HHAT: variants seen among roughly 807,000 people sequenced by gnomAD.
HHAT encodes the protein hedgehog acyltransferase.
HHAT carries 47 observed loss-of-function variants against 70.8 expected under a neutral mutation model. The ratio of observed to expected loss-of-function variants is 0.66; its 90% CI spans 0.53 to 0.85. The LOEUF (loss-of-function observed/expected upper bound fraction) is 0.85. Among genes scored for constraint, HHAT ranks in the 40% least tolerant of loss-of-function variants. The pLI, the probability that HHAT is intolerant of heterozygous loss-of-function variation, is 0.00. For missense variants in HHAT, 609 were observed against 604.8 expected (o/e 1.01, Z -0.07); for synonymous variants, 228 against 247.6 (o/e 0.92, Z 0.74).
At chr1:210,504,075 A>G (rs1572891845) in intron 8 of HHAT, among the ~76,000 whole-genome samples, 1 of 152,232 alleles carries the variant, frequency 6.6e-6, no homozygotes, top group East Asian at 1.9e-4. Flanking sequence ...TCAGAAAATG[A>G]AAAGATAAGC....
intron 4 of HHAT, among the ~76,000 whole-genome samples, chr1:210,389,104 A>G: frequency 6.6e-6 from 1 of 152,232 alleles, no homozygotes; most frequent in Non-Finnish European, 1.5e-5. Context: ...GAGTAATTTT[A>G]TAAAGAAAAT....
chr1:210,592,121 G>T (rs1056660842), intron 10 of HHAT, among the ~76,000 whole-genome samples: 5 of 152,036 alleles, frequency 3.3e-5, no homozygotes, highest in Non-Finnish European at 7.4e-5. Context: ...CAGTGTCCTG[G>T]CAAGTTTCTC....
intron 9 of HHAT, among the ~76,000 whole-genome samples, chr1:210,547,820 T>C (rs1239166669): frequency 6.6e-6 from 1 of 152,200 alleles, no homozygotes; most frequent in Admixed American, 6.5e-5. Flanking sequence ...TATTTCTGTC[T>C]GCCTGTACTG....
chr1:210,327,989 C>T (rs2084687939), upstream of HHAT, among the ~76,000 whole-genome samples: 1 of 152,090 alleles, frequency 6.6e-6, no homozygotes, highest in South Asian at 2.1e-4. Context: ...ACTCTGGTTT[C>T]CTGGAGAATT....
At chr1:210,439,784 T>C (rs544260552) in intron 7 of HHAT, 1 of 152,046 alleles carries the variant, frequency 6.6e-6, no homozygotes, top group South Asian at 2.1e-4. Flanking sequence ...TCTGAAAGCC[T>C]TACACAGGGA....
intron 8 of HHAT, among the ~76,000 whole-genome samples, chr1:210,481,588 G>A (rs934535338): frequency 6.6e-6 from 1 of 152,218 alleles, no homozygotes; most frequent in African/African-American, 2.4e-5. Context: ...GAGAGCTAAA[G>A]CATGGAGGTG....
At chr1:210,570,055 C>T (rs571962121) in intron 9 of HHAT, among the ~76,000 whole-genome samples, 7 of 152,256 alleles carry the variant, frequency 4.6e-5, no homozygotes, top group African/African-American at 1.4e-4. Flanking sequence ...TTCTAGTGGA[C>T]AGTCACTATA....
chr1:210,660,273 GACAA>G (rs1677374537), intron 11 of HHAT, among the ~76,000 whole-genome samples: 3 of 152,090 alleles, frequency 2.0e-5, no homozygotes, highest in African/African-American at 4.8e-5. Flanking sequence ...ACCAATAACA[GACAA>G]ACAGAGAGCG....
intron 9 of HHAT, among the ~76,000 whole-genome samples, chr1:210,554,184 C>T (rs1043870329): frequency 6.6e-6 from 1 of 152,126 alleles, no homozygotes; most frequent in Non-Finnish European, 1.5e-5. Flanking sequence ...CATGAGGGCG[C>T]ACATTATTGT....
At chr1:210,620,871 T>C (rs1668678699) in intron 10 of HHAT, among the ~76,000 whole-genome samples, 1 of 150,998 alleles carries the variant, frequency 6.6e-6, no homozygotes, top group Non-Finnish European at 1.5e-5. Context: ...CAGCAGCTCC[T>C]TCACAGTTGG....
intron 9 of HHAT, among the ~76,000 whole-genome samples, chr1:210,569,027 T>A (rs1234255803): frequency 6.6e-6 from 1 of 152,028 alleles, no homozygotes; most frequent in Admixed American, 6.5e-5. Flanking sequence ...ACTCCAGAAT[T>A]GCTTGCTTGC....
intron 3 of HHAT, among the ~76,000 whole-genome samples, chr1:210,375,998 C>A (rs2090171574): frequency 6.6e-6 from 1 of 150,902 alleles, no homozygotes; most frequent in Non-Finnish European, 1.5e-5. Flanking sequence ...CAGGCATGTG[C>A]CACCATGCAC....
chr1:210,587,650 G>A (rs1294977436), intron 9 of HHAT, among the ~76,000 whole-genome samples: 2 of 152,176 alleles, frequency 1.3e-5, no homozygotes, highest in Non-Finnish European at 2.9e-5. Flanking sequence ...TCTTGTAAGT[G>A]CTATTTTGCT....
At chr1:210,583,310 C>T (rs1315777587) in intron 9 of HHAT, among the ~76,000 whole-genome samples, 1 of 152,298 alleles carries the variant, frequency 6.6e-6, no homozygotes, top group Non-Finnish European at 1.5e-5. Flanking sequence ...AGTGACCACG[C>T]GAAGCCGGCC....
chr1:210,613,027 A>G (rs1214787898), intron 10 of HHAT, among the ~76,000 whole-genome samples: 5 of 152,132 alleles, frequency 3.3e-5, no homozygotes, highest in Non-Finnish European at 7.4e-5. Context: ...GCTCTTATCA[A>G]TATGTGATTG....
chr1:210,492,453 G>A (rs2094566947), intron 8 of HHAT, among the ~76,000 whole-genome samples: 1 of 152,188 alleles, frequency 6.6e-6, no homozygotes, highest in South Asian at 2.1e-4. Context: ...ATGGTTAGAT[G>A]GGGGGAGGCA....
chr1:210,594,771 T>C (rs1573588851), intron 10 of HHAT, among the ~76,000 whole-genome samples: 1 of 152,334 alleles, frequency 6.6e-6, no homozygotes, highest in African/African-American at 2.4e-5. Context: ...TGGGCAAGTC[T>C]TTATTTCTCC....
At chr1:210,450,403 T>G (rs2093728112) in intron 7 of HHAT, among the ~76,000 whole-genome samples, 1 of 152,142 alleles carries the variant, frequency 6.6e-6, no homozygotes, top group South Asian at 2.1e-4. Flanking sequence ...CTTGGATACA[T>G]CCTGCTTTTC....
chr1:210,652,468 C>T (rs1295533011), intron 11 of HHAT, among the ~76,000 whole-genome samples: 4 of 152,172 alleles, frequency 2.6e-5, no homozygotes, highest in African/African-American at 9.7e-5. Context: ...CCACTGTGTT[C>T]TTTGAGCACA....
Sources: allele counts gnomAD v4.1 joint callset (sites outside exome capture counted in the v4.1 genomes callset), GRCh38; gene constraint gnomAD v4.1.1; transcripts MANE v1.5; gene names NCBI Gene and HGNC (gene_info 2026-07-23, HGNC 2026-07-21).